Variants in GABRR2 observed in about 807,000 individuals in gnomAD.
GABRR2 encodes gamma-aminobutyric acid type A receptor subunit rho2.
Under a neutral mutation model 47.0 loss-of-function variants are expected in GABRR2, and 36 were observed. That is an observed-to-expected ratio of 0.77 (90% CI 0.59 to 1.01). GABRR2 has a LOEUF of 1.01. Ranked by LOEUF, GABRR2 falls within the 50% of genes least tolerant of loss-of-function variation. The probability of loss-of-function intolerance (pLI) is 0.00; values close to 1 mark genes in which losing one functional copy is unlikely to be tolerated. For synonymous variants in GABRR2, 204 were observed against 227.5 expected, an observed-to-expected ratio of 0.90 and a Z score of 0.93; for missense variants, 587 against 594.6, an observed-to-expected ratio of 0.99 and a Z score of 0.13.
At chr6:89,291,017 A>G (rs1774431219) in intron 2 of GABRR2, among the ~76,000 whole-genome samples, 1 of 152,092 alleles carries the variant, frequency 6.6e-6, no homozygotes, top group African/African-American at 2.4e-5. Flanking sequence ...GCTCTCTTCA[A>G]TGACCCCTTG....
In GABRR2 at chr6:89,291,982, G is replaced by T. The variant is rs80227020; in HGVS notation, c.220+7777C>A. 4.2e-3 allele frequency among the ~76,000 whole-genome samples: 634 copies of T among 152,152 alleles called. 5 individuals carry two copies. Among genetic ancestry groups the T allele is most frequent in the African/African-American group, 0.015 (609 of 41,504 alleles). The stretch of plus-strand genomic sequence containing the variant: ...CTCACAATTTGGTATCTCCACATGA[G>T]GATTTCATTAAACTGCCCTTCCAAC... On this transcript the variant is annotated intron_variant, in intron 2 of 8. Transcript: ENST00000402938.
intron 4 of GABRR2, 97 bp downstream of exon 4, chr6:89,268,914 C>G: frequency 9.1e-7 from 1 of 1,097,746 alleles, no homozygotes; most frequent in Non-Finnish European, 1.4e-6. Context: ...CACGAACCCA[C>G]AGACCCAACC....
At chr6:89,306,352 C>T (rs1767559246) in intron 1 of GABRR2, among the ~76,000 whole-genome samples, 1 of 150,734 alleles carries the variant, frequency 6.6e-6, no homozygotes, top group East Asian at 1.9e-4. Flanking sequence ...AGAGTGAGAC[C>T]CTGTGTTTAA....
intron 2 of GABRR2, among the ~76,000 whole-genome samples, chr6:89,286,025 A>G (rs1434195563): frequency 1.1e-5 from 1 of 95,218 alleles, no homozygotes; most frequent in African/African-American, 3.8e-5. Flanking sequence ...CGCACCCCCA[A>G]CAACAAACAA....
At chr6:89,284,803 T>C (rs80158810) in intron 2 of GABRR2, among the ~76,000 whole-genome samples, 1,668 of 152,328 alleles carry the variant, frequency 0.011, 15 homozygotes, top group South Asian at 0.019. Flanking sequence ...TTGTGATAAT[T>C]TGTTATAAAA....
At chr6:89,267,379 A>C (rs1209272509) in intron 6 of GABRR2, among the ~76,000 whole-genome samples, 1 of 152,076 alleles carries the variant, frequency 6.6e-6, no homozygotes. Flanking sequence ...CAGCTTGGGC[A>C]ACATAGTAAG....
intron 1 of GABRR2, among the ~76,000 whole-genome samples, chr6:89,304,998 A>C (rs996727210): frequency 6.6e-6 from 1 of 152,246 alleles, no homozygotes; most frequent in Non-Finnish European, 1.5e-5. Context: ...GTTCATTGCA[A>C]CACTATTCAC....
chr6:89,289,796 G>A (rs1341110298), intron 2 of GABRR2, among the ~76,000 whole-genome samples: 1 of 152,206 alleles, frequency 6.6e-6, no homozygotes, highest in Admixed American at 6.5e-5. Context: ...AAGAAAAGAA[G>A]TACATTTAGC....
intron 2 of GABRR2, among the ~76,000 whole-genome samples, chr6:89,282,103 C>T (rs3777524): frequency 0.14 from 21,059 of 151,958 alleles, 1,491 homozygotes; most frequent in Non-Finnish European, 0.15. Flanking sequence ...CGCTTGCATA[C>T]GTGCACACAC....
intron 2 of GABRR2, among the ~76,000 whole-genome samples, chr6:89,275,077 A>C (rs1314223266): frequency 6.6e-6 from 1 of 152,082 alleles, no homozygotes; most frequent in Non-Finnish European, 1.5e-5. Flanking sequence ...CCTGGAAAGC[A>C]CACTTTAGGG....
intron 2 of GABRR2, among the ~76,000 whole-genome samples, chr6:89,280,560 C>T (rs1366054583): frequency 6.6e-6 from 1 of 152,140 alleles, no homozygotes; most frequent in Non-Finnish European, 1.5e-5. Context: ...TGCCCGCTGC[C>T]CCTAGACTCC....
At chr6:89,297,976 G>A (rs1273561774) in intron 2 of GABRR2, among the ~76,000 whole-genome samples, 1 of 152,216 alleles carries the variant, frequency 6.6e-6, no homozygotes, top group Admixed American at 6.5e-5. Context: ...TTTTGGGGAC[G>A]CCTTGCTTAG....
intron 3 of GABRR2, among the ~76,000 whole-genome samples, chr6:89,271,251 C>A (rs1192994237): frequency 6.6e-6 from 1 of 152,076 alleles, no homozygotes; most frequent in African/African-American, 2.4e-5. Context: ...GGGGACACTG[C>A]CACAAAGTGA....
intron 2 of GABRR2, among the ~76,000 whole-genome samples, chr6:89,274,731 G>A (rs1252089053): frequency 6.6e-6 from 1 of 152,008 alleles, no homozygotes; most frequent in Non-Finnish European, 1.5e-5. Flanking sequence ...GTTGGGCATG[G>A]TGGCATGCAC....
At chr6:89,265,806 A>G in intron 6 of GABRR2, 41 bp from the exon 7 acceptor site, 1 of 1,599,266 alleles carries the variant, frequency 6.3e-7, no homozygotes, top group East Asian at 2.2e-5. Context: ...TCCATCTGAG[A>G]GGTGAAAGCA....
chr6:89,267,842 T>C (rs2127831369), intron 5 of GABRR2, 23 bp from the exon 6 acceptor site: 1 of 1,606,064 alleles, frequency 6.2e-7, no homozygotes, highest in East Asian at 2.2e-5. Flanking sequence ...GAAAACAAGT[T>C]AATTTGACTC....
At chr6:89,290,931 G>C (rs1323263756) in intron 2 of GABRR2, among the ~76,000 whole-genome samples, 1 of 152,138 alleles carries the variant, frequency 6.6e-6, no homozygotes, top group African/African-American at 2.4e-5. Flanking sequence ...CACATTCTTT[G>C]CAGCCTCTGG....
intron 7 of GABRR2, 48 bp from the exon 8 acceptor site, chr6:89,264,656 C>T: frequency 6.3e-7 from 1 of 1,595,830 alleles, no homozygotes; most frequent in Non-Finnish European, 8.6e-7. Context: ...TCTAGAACTG[C>T]CCTCATATCT....
intron 2 of GABRR2, among the ~76,000 whole-genome samples, chr6:89,289,256 T>C (rs945449873): frequency 1.3e-5 from 2 of 152,042 alleles, no homozygotes; most frequent in African/African-American, 2.4e-5. Context: ...GAGGAGGCAG[T>C]GGGCCAGGCT....
Sources: gnomAD v4.1 joint callset for allele counts (sites outside exome capture counted in the v4.1 genomes callset) on GRCh38, gnomAD v4.1.1 for gene constraint, MANE v1.5 for transcripts, NCBI Gene and HGNC (gene_info 2026-07-23, HGNC 2026-07-21) for gene names.